The following CNTN6 variants were observed in gnomAD, a reference collection of about 807,000 sequenced individuals.
CNTN6 encodes contactin-6.
A neutral mutation model predicts 122.8 loss-of-function variants in CNTN6; 137 were observed. The ratio of observed to expected loss-of-function variants is 1.12; its 90% confidence interval spans 0.97 to 1.29. The LOEUF is 1.29. Ranked by LOEUF, CNTN6 falls within the 50% of genes most tolerant of loss-of-function variation. The pLI is 0.00. For synonymous variants in CNTN6, 570 were observed against 426.0 expected (o/e 1.34, Z -4.16); for missense variants, 1,634 against 1,223.4 (o/e 1.34, Z -5.01).
intron 4 of CNTN6, among the ~76,000 whole-genome samples, chr3:1,248,739 G>C (rs2094616246): frequency 6.6e-6 from 1 of 152,092 alleles, no homozygotes; most frequent in South Asian, 2.1e-4. Context: ...AGGATCGCTT[G>C]AACCCGAGAG....
chr3:1,132,050 T>C (rs889692531), intron 1 of CNTN6, among the ~76,000 whole-genome samples: 2 of 152,108 alleles, frequency 1.3e-5, no homozygotes, highest in African/African-American at 4.8e-5. Context: ...AAAAGATATA[T>C]GTGCTTTTCT....
chr3:1,127,255 GA>G (rs1194530386), intron 1 of CNTN6, among the ~76,000 whole-genome samples: 1 of 151,546 alleles, frequency 6.6e-6, no homozygotes, highest in Non-Finnish European at 1.5e-5. Context: ...AATCACCACA[GA>G]CAGGAAAAAG....
intron 1 of CNTN6, among the ~76,000 whole-genome samples, chr3:1,096,635 T>C: frequency 6.6e-6 from 1 of 152,234 alleles, no homozygotes; most frequent in East Asian, 1.9e-4. Flanking sequence ...AGGCACAACC[T>C]TCTGTATTGT....
chr3:1,204,890 C>T (rs907310313), intron 2 of CNTN6, among the ~76,000 whole-genome samples: 1 of 152,018 alleles, frequency 6.6e-6, no homozygotes, highest in African/African-American at 2.4e-5. Context: ...AATAATGGCC[C>T]CCAAGATGTC....
intron 16 of CNTN6, among the ~76,000 whole-genome samples, chr3:1,374,749 C>T (rs1248102347): frequency 6.6e-6 from 1 of 152,058 alleles, no homozygotes; most frequent in Non-Finnish European, 1.5e-5. Context: ...ATCACATAAA[C>T]AAAGGATCAC....
At chr3:1,172,120 C>T (rs1466175969) in intron 2 of CNTN6, among the ~76,000 whole-genome samples, 1 of 152,142 alleles carries the variant, frequency 6.6e-6, no homozygotes, top group African/African-American at 2.4e-5. Flanking sequence ...AATCCACTCC[C>T]CTAAAGCCCT....
At chr3:1,265,099 G>T (rs2094907603) in intron 4 of CNTN6, among the ~76,000 whole-genome samples, 1 of 101,488 alleles carries the variant, frequency 9.9e-6, no homozygotes, top group African/African-American at 3.8e-5. Flanking sequence ...GTGTATATAT[G>T]CCACATTTTT....
chr3:1,202,333 T>G (rs4684802), intron 2 of CNTN6, among the ~76,000 whole-genome samples: 112,846 of 151,556 alleles, frequency 0.74, 42,948 homozygotes, highest in East Asian at 0.92. Context: ...GAGCTCAGGA[T>G]ATCAAGACCA....
intron 16 of CNTN6, among the ~76,000 whole-genome samples, chr3:1,376,059 A>C (rs2126152762): frequency 6.6e-6 from 1 of 152,242 alleles, no homozygotes; most frequent in African/African-American, 2.4e-5. Context: ...TTGTTCAGAC[A>C]TGGTCCAGTA....
intron 3 of CNTN6, among the ~76,000 whole-genome samples, chr3:1,222,886 T>C (rs1160119086): frequency 1.3e-5 from 2 of 152,084 alleles, no homozygotes; most frequent in Non-Finnish European, 2.9e-5. Context: ...GCCCCAGTCG[T>C]TGTTCCCCTT....
At chr3:1,267,712 T>C (rs909150852) in intron 4 of CNTN6, among the ~76,000 whole-genome samples, 1 of 152,162 alleles carries the variant, frequency 6.6e-6, no homozygotes, top group African/African-American at 2.4e-5. Flanking sequence ...TAAAATAATA[T>C]TTATAAAAAT....
chr3:1,339,194 C>T (rs1703534133), intron 11 of CNTN6, among the ~76,000 whole-genome samples: 1 of 151,898 alleles, frequency 6.6e-6, no homozygotes, highest in South Asian at 2.1e-4. Context: ...TTGAACTAAT[C>T]TGGCTAATGT....
intron 3 of CNTN6, 121 bp downstream of exon 3, chr3:1,220,934 T>G: frequency 3.8e-6 from 4 of 1,046,384 alleles, no homozygotes; most frequent in Non-Finnish European, 5.3e-6. Context: ...GGAATTTCTC[T>G]ACGGGTATGC....
intron 1 of CNTN6, among the ~76,000 whole-genome samples, chr3:1,123,553 C>T (rs1574932701): frequency 1.3e-5 from 2 of 152,024 alleles, no homozygotes; most frequent in East Asian, 1.9e-4. Context: ...CTACCTACAA[C>T]TTTGCTGAAT....
chr3:1,195,257 T>C (rs2093759815), intron 2 of CNTN6, among the ~76,000 whole-genome samples: 1 of 152,156 alleles, frequency 6.6e-6, no homozygotes, highest in Non-Finnish European at 1.5e-5. Context: ...GCCTCTAAAC[T>C]GAGCCTGGTG....
At chr3:1,130,886 C>G (rs535802013) in intron 1 of CNTN6, among the ~76,000 whole-genome samples, 1 of 152,210 alleles carries the variant, frequency 6.6e-6, no homozygotes, top group Admixed American at 6.6e-5. Context: ...CTAAGTGTTG[C>G]AAGAAGTCCA....
At chr3:1,107,829 T>C (rs979515554) in intron 1 of CNTN6, among the ~76,000 whole-genome samples, 2 of 152,052 alleles carry the variant, frequency 1.3e-5, no homozygotes, top group African/African-American at 4.8e-5. Flanking sequence ...TGATATGCAA[T>C]TAATTGAGCT....
intron 2 of CNTN6, among the ~76,000 whole-genome samples, chr3:1,150,141 A>G (rs987260009): frequency 2.0e-5 from 3 of 152,170 alleles, no homozygotes; most frequent in Non-Finnish European, 2.9e-5. Flanking sequence ...GACATACACA[A>G]GACAACACTG....
intron 11 of CNTN6, among the ~76,000 whole-genome samples, chr3:1,346,800 A>G (rs1283417221): frequency 6.6e-6 from 1 of 152,154 alleles, no homozygotes; most frequent in East Asian, 1.9e-4. Flanking sequence ...ACAAAATCTG[A>G]TGCACATGCT....
Sources: allele counts gnomAD v4.1 joint callset (sites outside exome capture counted in the v4.1 genomes callset), GRCh38; gene constraint gnomAD v4.1.1; transcripts MANE v1.5; gene names NCBI Gene and HGNC (gene_info 2026-07-23, HGNC 2026-07-21).